MDGA2: variants seen among roughly 807,000 people sequenced by gnomAD.
The protein encoded by MDGA2 is MAM domain-containing glycosylphosphatidylinositol anchor protein 2.
Under a neutral mutation model 117.8 loss-of-function variants are expected in MDGA2, and 40 were observed. The observed-to-expected ratio is 0.34, with a 90% confidence interval of 0.26 to 0.44. MDGA2 has a LOEUF of 0.44. Ranked by LOEUF, MDGA2 falls within the 20% of genes least tolerant of loss-of-function variation. MDGA2 has a pLI of 1.00. For synonymous variants in MDGA2, 452 were observed against 439.0 expected, an observed-to-expected ratio of 1.03 and a Z score of -0.37; for missense variants, 1,123 against 1,250.6, an observed-to-expected ratio of 0.90 and a Z score of 1.54.
chr14:47,398,659 T>G (rs775653262), intron 1 of MDGA2, among the ~76,000 whole-genome samples: 2 of 152,186 alleles, frequency 1.3e-5, no homozygotes, highest in African/African-American at 2.4e-5. Context: ...GAGGTGTGAC[T>G]TGAACTCAGG....
chr14:47,353,533 A>T (rs1890929287), intron 1 of MDGA2, among the ~76,000 whole-genome samples: 1 of 152,190 alleles, frequency 6.6e-6, no homozygotes, highest in African/African-American at 2.4e-5. Flanking sequence ...TCGAGAAAAG[A>T]TCTTTTAGGA....
chr14:46,958,583 G>A lies in MDGA2; in HGVS notation c.1820-940C>T, dbSNP rs569928581. ...CTGGTGAAAGCCTGAACTAAGGTGA[G>A]GTCAGTGGGACCAAAAATGATGCCT... On this transcript the variant is annotated intron_variant, in intron 8 of 16. Coordinates refer to ENST00000399232, the MANE Select transcript of MDGA2 (RefSeq NM_001113498.3). Among the ~76,000 whole-genome samples the A allele has an allele frequency of 2.6e-5, 4 of 152,324 alleles. No individual in the cohort carries two copies. The East Asian group carries it at 5.8e-4, about 22-fold the overall frequency.
At chr14:46,990,745 T>A (rs1887056079) in intron 8 of MDGA2, among the ~76,000 whole-genome samples, 1 of 151,930 alleles carries the variant, frequency 6.6e-6, no homozygotes, top group African/African-American at 2.4e-5. Context: ...TTGGATAATA[T>A]GTCAAATGTT....
At chr14:47,084,004 T>C (rs564301098) in intron 6 of MDGA2, among the ~76,000 whole-genome samples, 424 of 152,174 alleles carry the variant, frequency 2.8e-3, no homozygotes, top group Non-Finnish European at 4.7e-3. Flanking sequence ...ATTCCCCCCT[T>C]TAAATAGATG....
intron 5 of MDGA2, among the ~76,000 whole-genome samples, chr14:47,100,285 C>T (rs922532384): frequency 1.3e-5 from 2 of 152,040 alleles, no homozygotes; most frequent in Non-Finnish European, 2.9e-5. Context: ...GATACTTTTT[C>T]ACAATGTCCT....
chr14:46,973,099 G>C (rs1057195047), intron 8 of MDGA2, among the ~76,000 whole-genome samples: 1 of 152,006 alleles, frequency 6.6e-6, no homozygotes, highest in African/African-American at 2.4e-5. Flanking sequence ...CCCAAAATCT[G>C]GAAGACTGAC....
Position 47,062,406 on chromosome 14 carries a change from A to T in MDGA2, c.1196-828T>A, listed in dbSNP as rs543559856. ...CCAAGGGAGCATCTATAGACTTTCT[A>T]CTAAGGGCCTGAACTTTGAATGATA... On this transcript the variant is annotated intron_variant, in intron 6 of 16. Transcript: ENST00000399232. 1.6e-3 allele frequency among the ~76,000 whole-genome samples: 248 copies of T among 152,050 alleles called. 1 individual carries two copies. Among genetic ancestry groups the T allele is most frequent in the African/African-American group, 5.7e-3 (237 of 41,520 alleles).
chr14:46,890,226 T>C (rs1882829101), intron 10 of MDGA2, among the ~76,000 whole-genome samples: 1 of 152,080 alleles, frequency 6.6e-6, no homozygotes. Flanking sequence ...TATTAAAAGT[T>C]CATTTGTCAC....
intron 1 of MDGA2, among the ~76,000 whole-genome samples, chr14:47,461,277 G>GTGTGTGTGTGTGTGTT (rs1282502818): frequency 6.6e-6 from 1 of 151,278 alleles, no homozygotes; most frequent in African/African-American, 2.4e-5. Flanking sequence ...GTATGTGTGT[G>GTGTGTGTGTGTGTGTT]TGTGTGTGTG....
intron 1 of MDGA2, among the ~76,000 whole-genome samples, chr14:47,322,209 A>G (rs1353557839): frequency 6.6e-6 from 1 of 152,180 alleles, no homozygotes; most frequent in East Asian, 1.9e-4. Flanking sequence ...CAGAGCATAC[A>G]TTTTTAAACC....
intron 6 of MDGA2, among the ~76,000 whole-genome samples, chr14:47,083,917 G>A (rs1447658772): frequency 6.6e-6 from 1 of 151,800 alleles, no homozygotes. Context: ...AAAAAAAGCA[G>A]AAAATATGTG....
At chr14:47,456,902 A>G (rs1893366595) in intron 1 of MDGA2, among the ~76,000 whole-genome samples, 1 of 132,510 alleles carries the variant, frequency 7.5e-6, no homozygotes, top group Non-Finnish European at 1.7e-5. Flanking sequence ...GAGTATACTC[A>G]AAAAAAAAAA....
chr14:47,317,760 T>A (rs908558883), intron 1 of MDGA2, among the ~76,000 whole-genome samples: 1 of 152,204 alleles, frequency 6.6e-6, no homozygotes, highest in South Asian at 2.1e-4. Context: ...GGAGAACACA[T>A]ACATCACGTT....
intron 1 of MDGA2, among the ~76,000 whole-genome samples, chr14:47,386,756 C>A (rs934638758): frequency 1.3e-5 from 2 of 152,100 alleles, no homozygotes; most frequent in African/African-American, 4.8e-5. Flanking sequence ...CATTCAGGGA[C>A]TATATATGGG....
At chr14:46,871,994 A>G (rs561677069) in intron 14 of MDGA2, 1 of 225,476 alleles carries the variant, frequency 4.4e-6, no homozygotes, top group East Asian at 1.0e-4. Flanking sequence ...AAAATAAATT[A>G]TAAAACAAAA....
intron 2 of MDGA2, among the ~76,000 whole-genome samples, chr14:47,275,714 G>C (rs191472848): frequency 2.1e-4 from 32 of 152,174 alleles, no homozygotes; most frequent in African/African-American, 7.7e-4. Flanking sequence ...AATATTTCCA[G>C]TTTCATTTTT....
intron 6 of MDGA2, among the ~76,000 whole-genome samples, chr14:47,094,703 T>A (rs1297199226): frequency 6.6e-6 from 1 of 152,060 alleles, no homozygotes; most frequent in African/African-American, 2.4e-5. Context: ...AATACTTCAA[T>A]GCTTTAATCA....
intron 2 of MDGA2, among the ~76,000 whole-genome samples, chr14:47,263,095 G>A (rs1409289253): frequency 1.3e-5 from 2 of 151,978 alleles, no homozygotes; most frequent in East Asian, 3.9e-4. Flanking sequence ...TCTTGCCTTT[G>A]CCTGCCTGCC....
intron 1 of MDGA2, among the ~76,000 whole-genome samples, chr14:47,319,197 G>T (rs187313160): frequency 6.6e-6 from 1 of 152,144 alleles, no homozygotes; most frequent in East Asian, 1.9e-4. Flanking sequence ...CTATTATTCT[G>T]GACTGGAACA....
Sources: allele counts gnomAD v4.1 joint callset (sites outside exome capture counted in the v4.1 genomes callset), GRCh38; gene constraint gnomAD v4.1.1; transcripts MANE v1.5; gene names NCBI Gene and HGNC (gene_info 2026-07-23, HGNC 2026-07-21).